The following MGAT4C variants were observed in gnomAD, a reference collection of about 807,000 sequenced individuals.
MGAT4C encodes the protein alpha-1,3-mannosyl-glycoprotein 4-beta-N-acetylglucosaminyltransferase C.
MGAT4C carries 19 observed loss-of-function variants against 40.1 expected under a neutral mutation model. The observed-to-expected ratio is 0.47, with a 90% CI of 0.33 to 0.70. MGAT4C has a LOEUF of 0.70. Among genes scored for constraint, MGAT4C ranks in the 30% least tolerant of loss-of-function variants. The pLI is 0.02. For missense variants in MGAT4C, 491 were observed against 563.2 expected, an observed-to-expected ratio of 0.87 and a Z score of 1.30; for synonymous variants, 181 against 187.1, an observed-to-expected ratio of 0.97 and a Z score of 0.27.
chr12:86,290,409 G>T (rs80274265), intron 4 of MGAT4C, among the ~76,000 whole-genome samples: 3,082 of 152,220 alleles, frequency 0.02, 52 homozygotes, highest in South Asian at 0.058. Flanking sequence ...ATTCAAATTT[G>T]CATGACAAAT....
At chr12:86,565,196 T>G (rs1418971317) in intron 2 of MGAT4C, among the ~76,000 whole-genome samples, 1 of 152,116 alleles carries the variant, frequency 6.6e-6, no homozygotes, top group Non-Finnish European at 1.5e-5. Context: ...CACAGCAGCA[T>G]TTCATCATCA....
chr12:86,197,080 C>A (rs1381892575), intron 1 of MGAT4C, among the ~76,000 whole-genome samples: 3 of 152,158 alleles, frequency 2.0e-5, no homozygotes, highest in Non-Finnish European at 4.4e-5. Flanking sequence ...TGCCAAATAT[C>A]CAAGGACATC....
intron 3 of MGAT4C, among the ~76,000 whole-genome samples, chr12:86,385,376 A>C (rs1040666664): frequency 6.6e-6 from 1 of 152,148 alleles, no homozygotes; most frequent in Non-Finnish European, 1.5e-5. Context: ...ATCTACGTAT[A>C]TACTCTTTTA....
chr12:86,459,646 A>G (rs1957564209), intron 2 of MGAT4C, among the ~76,000 whole-genome samples: 1 of 145,050 alleles, frequency 6.9e-6, no homozygotes, highest in Admixed American at 6.9e-5. Flanking sequence ...CGCTGAGAAA[A>G]GAAGCCCCCC....
chr12:86,336,642 G>T (rs1223607465), intron 3 of MGAT4C, among the ~76,000 whole-genome samples: 1 of 152,098 alleles, frequency 6.6e-6, no homozygotes, highest in Non-Finnish European at 1.5e-5. Flanking sequence ...TCACTTCATG[G>T]TATTATCCAG....
chr12:86,207,878 A>G (rs1460100386), intron 1 of MGAT4C, among the ~76,000 whole-genome samples: 1 of 152,234 alleles, frequency 6.6e-6, no homozygotes, highest in East Asian at 1.9e-4. Context: ...TATGGGATAT[A>G]AAAATAGTAA....
intron 1 of MGAT4C, among the ~76,000 whole-genome samples, chr12:86,105,391 A>T (rs990192459): frequency 6.6e-5 from 10 of 152,152 alleles, no homozygotes; most frequent in African/African-American, 2.2e-4. Context: ...TTATAGGAAA[A>T]GAATTACATG....
chr12:86,331,823 T>G (rs1286957930), intron 4 of MGAT4C, among the ~76,000 whole-genome samples: 1 of 152,148 alleles, frequency 6.6e-6, no homozygotes, highest in East Asian at 1.9e-4. Context: ...CAAATGTTTG[T>G]GAAATCTTGT....
At chr12:86,530,438 A>G (rs565989707) in intron 2 of MGAT4C, among the ~76,000 whole-genome samples, 2 of 152,158 alleles carry the variant, frequency 1.3e-5, no homozygotes, top group East Asian at 3.9e-4. Flanking sequence ...AAGATGAAGC[A>G]AAGACATATT....
At chr12:86,411,052 G>A (rs994407963) in intron 3 of MGAT4C, among the ~76,000 whole-genome samples, 3 of 152,130 alleles carry the variant, frequency 2.0e-5, no homozygotes, top group African/African-American at 7.2e-5. Flanking sequence ...GTAGCCTGTG[G>A]AACTGTTAGC....
chr12:86,360,867 C>T (rs1007905280), intron 3 of MGAT4C, among the ~76,000 whole-genome samples: 1 of 152,102 alleles, frequency 6.6e-6, no homozygotes, highest in Non-Finnish European at 1.5e-5. Context: ...ACGTTCCATG[C>T]TCATGGATAG....
chr12:86,765,407 G>A (rs1051894598), intron 1 of MGAT4C, among the ~76,000 whole-genome samples: 6 of 152,218 alleles, frequency 3.9e-5, no homozygotes, highest in African/African-American at 1.4e-4. Flanking sequence ...ACCTGAAAGT[G>A]ACGGGTAGAA....
intron 2 of MGAT4C, among the ~76,000 whole-genome samples, chr12:86,039,123 C>T (rs761279225): frequency 6.6e-6 from 1 of 151,924 alleles, no homozygotes; most frequent in Non-Finnish European, 1.5e-5. Flanking sequence ...GTGGGTAACC[C>T]AACCTTTCTC....
chr12:86,024,309 C>T (rs533741374), intron 2 of MGAT4C, among the ~76,000 whole-genome samples: 3 of 150,532 alleles, frequency 2.0e-5, no homozygotes, highest in Admixed American at 6.6e-5. Flanking sequence ...TTTTCTATTT[C>T]AAAAATATGC....
chr12:86,564,524 A>G (rs1197988150), intron 2 of MGAT4C, among the ~76,000 whole-genome samples: 1 of 152,234 alleles, frequency 6.6e-6, no homozygotes, highest in African/African-American at 2.4e-5. Context: ...AATAAGTAGC[A>G]AACACACTGG....
At chr12:86,646,709 C>CA (rs1287687761) in intron 2 of MGAT4C, among the ~76,000 whole-genome samples, 1 of 151,942 alleles carries the variant, frequency 6.6e-6, no homozygotes, top group African/African-American at 2.4e-5. Context: ...AAAATGGTTA[C>CA]ATGTTTCTCT....
chr12:86,223,362 G>C (rs1277102606), intron 1 of MGAT4C, among the ~76,000 whole-genome samples: 2 of 152,190 alleles, frequency 1.3e-5, no homozygotes, highest in Admixed American at 1.3e-4. Flanking sequence ...CCTGGGGCTA[G>C]TGCAGATGCT....
At chr12:86,566,420 C>A (rs2136415442) in intron 2 of MGAT4C, among the ~76,000 whole-genome samples, 1 of 150,560 alleles carries the variant, frequency 6.6e-6, no homozygotes, top group African/African-American at 2.4e-5. Flanking sequence ...ACATTGGACT[C>A]CAAGTTCTTC....
intron 1 of MGAT4C, among the ~76,000 whole-genome samples, chr12:86,236,316 T>G (rs1282923181): frequency 1.3e-5 from 2 of 152,088 alleles, no homozygotes; most frequent in African/African-American, 4.8e-5. Context: ...CTCTGGCTAC[T>G]TACAGTTGGT....
Sources: allele counts gnomAD v4.1 joint callset (sites outside exome capture counted in the v4.1 genomes callset), GRCh38; gene constraint gnomAD v4.1.1; transcripts MANE v1.5; gene names NCBI Gene and HGNC (gene_info 2026-07-23, HGNC 2026-07-21).